Variants in PLSCR4 observed in about 807,000 individuals in gnomAD.
PLSCR4 encodes the protein Ca(2+)-dependent phospholipid scramblase 4.
In PLSCR4, 25 loss-of-function variants were observed where a neutral mutation model predicts 36.3. That is an observed-to-expected ratio of 0.69 (90% CI 0.50 to 0.96). The LOEUF (loss-of-function observed/expected upper bound fraction) is 0.96, where lower values mean the gene tolerates loss of function less well. PLSCR4 is among the 40% of genes least tolerant of loss of function. The pLI, the probability that PLSCR4 is intolerant of heterozygous loss-of-function variation, is 0.00. For missense variants in PLSCR4, 408 were observed against 414.7 expected, an observed-to-expected ratio of 0.98 and a Z score of 0.14; for synonymous variants, 122 against 132.9, an observed-to-expected ratio of 0.92 and a Z score of 0.56.
At chr3:146,215,487 TA>T (rs2034849565) in intron 3 of PLSCR4, among the ~76,000 whole-genome samples, 1 of 152,206 alleles carries the variant, frequency 6.6e-6, no homozygotes, top group South Asian at 2.1e-4. Flanking sequence ...TATAATCATG[TA>T]AATTCTTGTT....
intron 1 of PLSCR4, among the ~76,000 whole-genome samples, chr3:146,240,277 A>G (rs532488109): frequency 2.6e-5 from 4 of 152,262 alleles, no homozygotes; most frequent in South Asian, 2.1e-4. Flanking sequence ...AATATTCTCA[A>G]TATCACTGAT....
chr3:146,205,024 A>G (rs1377493634), intron 4 of PLSCR4, among the ~76,000 whole-genome samples: 2 of 152,056 alleles, frequency 1.3e-5, no homozygotes, highest in African/African-American at 4.8e-5. Flanking sequence ...AATAGTTTTC[A>G]GCACACAAGA....
intron 3 of PLSCR4, among the ~76,000 whole-genome samples, chr3:146,219,127 A>C (rs1353631891): frequency 6.6e-6 from 1 of 152,230 alleles, no homozygotes. Flanking sequence ...ATATTTTATA[A>C]CTGAAAATTC....
At chr3:146,220,408 A>G (rs978032630) in intron 3 of PLSCR4, among the ~76,000 whole-genome samples, 41 of 152,126 alleles carry the variant, frequency 2.7e-4, no homozygotes, top group African/African-American at 9.7e-4. Context: ...CCCTGTACTT[A>G]CGGACATATG....
chr3:146,239,031 T>A (rs1315277728), intron 1 of PLSCR4, among the ~76,000 whole-genome samples: 3 of 151,974 alleles, frequency 2.0e-5, no homozygotes, highest in Non-Finnish European at 1.5e-5. Context: ...CACCTAGAAA[T>A]AAATTTAATT....
At chr3:146,225,470 G>A (rs1327572214) in intron 1 of PLSCR4, among the ~76,000 whole-genome samples, 6 of 152,212 alleles carry the variant, frequency 3.9e-5, no homozygotes, top group East Asian at 3.9e-4. Flanking sequence ...GACTGGGTGC[G>A]GTGGAGCAGG....
In PLSCR4 at chr3:146,222,084, CAATT is replaced by C. The variant is rs1462584214; in HGVS notation, c.-17_-14del. Reference sequence around the variant, plus strand: ...ACTTACCTGACATTTTGAAGAATTCCAATTAATCCTGAAAAATAAAAAATGTTAA... The same window carrying C: ...ACTTACCTGACATTTTGAAGAATTCCAATCCTGAAAAATAAAAAATGTTAA... On this transcript the variant is annotated 5_prime_UTR_variant, in exon 2 of 9. Coordinates refer to ENST00000354952, the MANE Select transcript of PLSCR4 (RefSeq NM_020353.3). 3.5e-6 allele frequency: 4 copies of C among 1,149,962 alleles called. No individual in the cohort carries two copies. Among genetic ancestry groups the C allele is most frequent in the Non-Finnish European group, 4.8e-6 (4 of 835,740 alleles). 71.2% of individuals were successfully genotyped at this position (1,149,962 alleles called of 1,614,324 possible). A position where few individuals can be genotyped will look rare whatever the true frequency, so the allele number is the denominator to read the frequency against.
intron 6 of PLSCR4, among the ~76,000 whole-genome samples, 192 bp from the exon 7 acceptor site, chr3:146,196,985 G>A (rs1220456601): frequency 1.3e-5 from 2 of 152,146 alleles, no homozygotes; most frequent in African/African-American, 2.4e-5. Context: ...TAACGGATGA[G>A]GTCATGTTTG....
chr3:146,200,150 C>T, intron 5 of PLSCR4, 111 bp from the exon 6 acceptor site: 1 of 655,672 alleles, frequency 1.5e-6, no homozygotes, highest in Non-Finnish European at 2.7e-6. Flanking sequence ...TTTAAAGTTT[C>T]AGGTGAAATA....
chr3:146,228,140 C>T (rs1398340125), intron 1 of PLSCR4, among the ~76,000 whole-genome samples: 1 of 152,110 alleles, frequency 6.6e-6, no homozygotes, highest in Non-Finnish European at 1.5e-5. Flanking sequence ...CATAGAAATA[C>T]TGTGAAGACT....
chr3:146,212,632 TAC>T (rs964912921), intron 3 of PLSCR4, among the ~76,000 whole-genome samples: 1 of 152,060 alleles, frequency 6.6e-6, no homozygotes, highest in African/African-American at 2.4e-5. Context: ...TTAGACTTTT[TAC>T]ATATATAGGC....
intron 6 of PLSCR4, 45 bp downstream of exon 6, chr3:146,199,768 A>G (rs2033944955): frequency 2.1e-6 from 3 of 1,430,484 alleles, no homozygotes; most frequent in Admixed American, 1.7e-5. Flanking sequence ...TGCCATGAAG[A>G]GTTAGATCAG....
At position 146,201,025 on chromosome 3, in the gene PLSCR4, TTA is replaced by T; in HGVS notation, c.397+8_397+9del. 6.5e-7 allele frequency: 1 copy of T among 1,544,246 alleles called. No homozygotes were observed. Among genetic ancestry groups the T allele is most frequent in the Non-Finnish European group, 8.7e-7 (1 of 1,143,974 alleles). On this transcript the variant is annotated splice_region_variant and intron_variant, in intron 5 of 8. Coordinates refer to ENST00000354952, the MANE Select transcript of PLSCR4 (RefSeq NM_020353.3). ...AAAATACTGCTGAGCACTACAAAAA[TTA>T]TACATACTTTCCAGAGGCTCAAAAT...
chr3:146,223,148 G>A (rs979904654), intron 1 of PLSCR4, among the ~76,000 whole-genome samples: 19 of 152,112 alleles, frequency 1.2e-4, no homozygotes, highest in African/African-American at 4.3e-4. Flanking sequence ...TTAAAAATAT[G>A]TATGGGAACA....
At chr3:146,203,561 A>G (rs1464178217) in intron 4 of PLSCR4, among the ~76,000 whole-genome samples, 1 of 151,948 alleles carries the variant, frequency 6.6e-6, no homozygotes, top group Admixed American at 6.6e-5. Flanking sequence ...CTTCTGAAAA[A>G]CTTACTGCAG....
chr3:146,234,391 C>T (rs1264565151), intron 1 of PLSCR4, among the ~76,000 whole-genome samples: 1 of 152,054 alleles, frequency 6.6e-6, no homozygotes, highest in Non-Finnish European at 1.5e-5. Context: ...TTATTTTCTC[C>T]ATTCTGTCAT....
chr3:146,243,248 A>G (rs1468183308), intron 1 of PLSCR4, among the ~76,000 whole-genome samples: 1 of 151,556 alleles, frequency 6.6e-6, no homozygotes, highest in African/African-American at 2.4e-5. Flanking sequence ...CTTTTTTTTT[A>G]TTATACTTTA....
rs1008829524 is a variant in PLSCR4 at position 146,224,641 on chromosome 3, A to G, written c.-21-2549T>C. On this transcript the variant is annotated intron_variant, in intron 1 of 8. Coordinates refer to ENST00000354952, the MANE Select transcript of PLSCR4 (RefSeq NM_020353.3). ...TGAGCAGCAGCAAGATTTATTGCAA[A>G]CAGCAAAAGAAAAAAAGCTTCCACA... 1.8e-4 allele frequency among the ~76,000 whole-genome samples: 27 copies of G among 152,144 alleles called. No individual in the cohort carries two copies. In the Middle Eastern group the frequency reaches 0.01, roughly 57 times the overall value.
At chr3:146,249,266 T>C (rs1455679087) in intron 1 of PLSCR4, among the ~76,000 whole-genome samples, 1 of 152,138 alleles carries the variant, frequency 6.6e-6, no homozygotes, top group Admixed American at 6.5e-5. Context: ...TTTCCCTTTT[T>C]AGGCTGCATA....
Sources: gnomAD v4.1 joint callset for allele counts (sites outside exome capture counted in the v4.1 genomes callset) on GRCh38, gnomAD v4.1.1 for gene constraint, MANE v1.5 for transcripts, NCBI Gene and HGNC (gene_info 2026-07-23, HGNC 2026-07-21) for gene names.